PIK3CB: variants seen among roughly 807,000 people sequenced by gnomAD.
The protein encoded by PIK3CB is phosphatidylinositol 4,5-bisphosphate 3-kinase catalytic subunit beta isoform.
A neutral mutation model predicts 136.8 loss-of-function variants in PIK3CB; 39 were observed. That is an observed-to-expected ratio of 0.29 (90% CI 0.22 to 0.37). The LOEUF (loss-of-function observed/expected upper bound fraction) is 0.37. PIK3CB is among the 10% of genes least tolerant of loss of function. The pLI is 1.00. For missense variants in PIK3CB, 868 were observed against 1,275.4 expected, an observed-to-expected ratio of 0.68 and a Z score of 4.87; for synonymous variants, 428 against 436.6, an observed-to-expected ratio of 0.98 and a Z score of 0.25.
intron 18 of PIK3CB, 47 bp from the exon 19 acceptor site, chr3:138,682,092 C>T (rs2108481476): frequency 1.8e-6 from 2 of 1,118,218 alleles, no homozygotes; most frequent in South Asian, 1.3e-5. Flanking sequence ...TCCTTTTATG[C>T]CCTGTAACTC....
chr3:138,703,653 T>A (rs1420747529), intron 12 of PIK3CB, among the ~76,000 whole-genome samples: 6 of 152,090 alleles, frequency 3.9e-5, no homozygotes, highest in Non-Finnish European at 5.9e-5. Flanking sequence ...TAGATATAAA[T>A]ATAGCAACCC....
intron 21 of PIK3CB, among the ~76,000 whole-genome samples, chr3:138,662,777 T>C (rs1354991245): frequency 6.6e-6 from 1 of 152,088 alleles, no homozygotes; most frequent in Non-Finnish European, 1.5e-5. Context: ...GCACCTGTTG[T>C]TTCCTGACTT....
chr3:138,699,838 T>C (rs1019899397), intron 12 of PIK3CB, among the ~76,000 whole-genome samples: 1 of 152,086 alleles, frequency 6.6e-6, no homozygotes, highest in Admixed American at 6.6e-5. Flanking sequence ...TGGAAGCAAC[T>C]GCACCCCTGC....
At chr3:138,807,208 A>C (rs750573067) in intron 1 of PIK3CB, among the ~76,000 whole-genome samples, 15 of 152,126 alleles carry the variant, frequency 9.9e-5, no homozygotes, top group Non-Finnish European at 1.9e-4. Flanking sequence ...CCCAGGCAGG[A>C]GAATTGCTTG....
chr3:138,779,247 G>A (rs1453828440), intron 2 of PIK3CB, among the ~76,000 whole-genome samples: 2 of 151,684 alleles, frequency 1.3e-5, no homozygotes, highest in African/African-American at 2.4e-5. Context: ...CACCATGCCC[G>A]GCTAATTTTT....
At chr3:138,702,760 AT>A (rs1269949290) in intron 12 of PIK3CB, among the ~76,000 whole-genome samples, 1 of 152,142 alleles carries the variant, frequency 6.6e-6, no homozygotes, top group East Asian at 1.9e-4. Flanking sequence ...TATTTTTTAA[AT>A]TTATACACAA....
chr3:138,795,357 T>C (rs919715113), intron 2 of PIK3CB, among the ~76,000 whole-genome samples: 2 of 137,228 alleles, frequency 1.5e-5, no homozygotes, highest in Non-Finnish European at 3.1e-5. Flanking sequence ...CCCAGCATGG[T>C]GACCCATGCC....
At chr3:138,674,245 G>GC (rs2043599447) in intron 19 of PIK3CB, among the ~76,000 whole-genome samples, 2 of 152,042 alleles carry the variant, frequency 1.3e-5, no homozygotes, top group South Asian at 4.2e-4. Context: ...CAAAGCCCTG[G>GC]CTCTCAACTA....
At chr3:138,756,706 C>T (rs2045575341) in intron 3 of PIK3CB, among the ~76,000 whole-genome samples, 1 of 152,130 alleles carries the variant, frequency 6.6e-6, no homozygotes, top group African/African-American at 2.4e-5. Flanking sequence ...TGTGGCCAAT[C>T]CTCAGCTCAG....
chr3:138,757,686 G>A, intron 3 of PIK3CB, among the ~76,000 whole-genome samples: 1 of 140,384 alleles, frequency 7.1e-6, no homozygotes, highest in African/African-American at 2.7e-5. Context: ...AAGAGGGAGG[G>A]AGGGAGGAAG....
At position 138,655,327 on chromosome 3, in the gene PIK3CB, G is replaced by A. The variant is rs2108380397; in HGVS notation, c.*62C>T. ...CTCTAACAGGGTCATGTTCAATTTA[G>A]TGCAAGTGCAAAATGAAAATGAAAT... On this transcript the variant is annotated 3_prime_UTR_variant, in exon 24 of 24. Transcript: ENST00000674063. 6.6e-7 allele frequency: 1 copy of A among 1,517,672 alleles called. No individual in the cohort carries two copies. Among genetic ancestry groups the A allele is most frequent in the Non-Finnish European group, 9.1e-7 (1 of 1,096,298 alleles). 94.0% of individuals were successfully genotyped at this position (1,517,672 alleles called of 1,614,324 possible).
At chr3:138,816,595 A>AAAATAAAT (rs4035076) in intron 1 of PIK3CB, among the ~76,000 whole-genome samples, 3 of 146,386 alleles carry the variant, frequency 2.0e-5, no homozygotes, top group African/African-American at 7.5e-5. Flanking sequence ...AGTTTGTCTC[A>AAAATAAAT]AAATAAATAA....
At chr3:138,673,708 TAC>T (rs150359885) in intron 19 of PIK3CB, among the ~76,000 whole-genome samples, 4 of 151,350 alleles carry the variant, frequency 2.6e-5, no homozygotes, top group African/African-American at 7.3e-5. Flanking sequence ...CACACACACA[TAC>T]ACACACACAC....
At chr3:138,754,885 T>C (rs1217657636) in intron 4 of PIK3CB, among the ~76,000 whole-genome samples, 1 of 152,244 alleles carries the variant, frequency 6.6e-6, no homozygotes, top group Non-Finnish European at 1.5e-5. Context: ...GTATTTAAAC[T>C]ATAAAGTCCC....
chr3:138,824,378 A>G (rs1045702350), intron 1 of PIK3CB, among the ~76,000 whole-genome samples: 1 of 152,164 alleles, frequency 6.6e-6, no homozygotes, highest in Non-Finnish European at 1.5e-5. Context: ...CTCTAGCAAT[A>G]CTATAATATA....
At chr3:138,784,825 G>T (rs191396708) in intron 2 of PIK3CB, among the ~76,000 whole-genome samples, 2,504 of 152,332 alleles carry the variant, frequency 0.016, 28 homozygotes, top group Non-Finnish European at 0.024. Context: ...AAAGTGCTGA[G>T]ATTGCAGCCT....
chr3:138,795,852 T>G (rs1021180440), intron 2 of PIK3CB, among the ~76,000 whole-genome samples: 4 of 152,152 alleles, frequency 2.6e-5, no homozygotes, highest in Non-Finnish European at 5.9e-5. Context: ...AACAGTCTCC[T>G]AAAATGGCCC....
Position 138,791,986 on chromosome 3 carries a change from T to G in PIK3CB, c.-17+4477A>C, listed in dbSNP as rs549175815. On this transcript the variant is annotated intron_variant, in intron 2 of 23. Transcript: ENST00000674063. ...GTAGGCCCTCCATATCTGTGTGTTC[T>G]ATATCGGTGGGTTCCACATCCATGA... Among the ~76,000 whole-genome samples, 18 of 152,344 alleles carry G rather than the reference T, an allele frequency of 1.2e-4. No individual in the cohort carries two copies. The East Asian group carries it at 3.5e-3, about 29-fold the overall frequency.
chr3:138,763,266 G>A (rs2045687546), intron 2 of PIK3CB, among the ~76,000 whole-genome samples: 1 of 152,018 alleles, frequency 6.6e-6, no homozygotes, highest in South Asian at 2.1e-4. Context: ...AGCCTCCTGA[G>A]TAGCTGGGAT....
Sources: allele counts gnomAD v4.1 joint callset (sites outside exome capture counted in the v4.1 genomes callset), GRCh38; gene constraint gnomAD v4.1.1; transcripts MANE v1.5; gene names NCBI Gene and HGNC (gene_info 2026-07-23, HGNC 2026-07-21).